Variants in PIWIL3 observed in about 807,000 individuals in gnomAD.
PIWIL3 encodes the protein piwi like RNA-mediated gene silencing 3.
A neutral mutation model predicts 109.7 loss-of-function variants in PIWIL3; 101 were observed. The observed-to-expected ratio is 0.92, with a 90% CI of 0.78 to 1.09. The LOEUF (loss-of-function observed/expected upper bound fraction) is 1.09. Ranked by LOEUF, PIWIL3 falls within the 50% of genes least tolerant of loss-of-function variation. PIWIL3 has a pLI of 0.00. For missense variants in PIWIL3, 1,031 were observed against 1,072.6 expected (o/e 0.96, Z 0.54); for synonymous variants, 373 against 376.4 (o/e 0.99, Z 0.10).
intron 12 of PIWIL3, among the ~76,000 whole-genome samples, chr22:24,740,345 G>A (rs1424303356): frequency 2.0e-5 from 3 of 151,436 alleles, no homozygotes; most frequent in African/African-American, 4.9e-5. Flanking sequence ...TCAGGAGATC[G>A]AGACCATCCT....
chr22:24,743,752 C>T (rs1425071769), intron 12 of PIWIL3, among the ~76,000 whole-genome samples: 1 of 151,928 alleles, frequency 6.6e-6, no homozygotes, highest in Non-Finnish European at 1.5e-5. Context: ...ACCAAAAGTA[C>T]AAATATCACC....
chr22:24,772,026 A>G (rs1401504937), intron 1 of PIWIL3, among the ~76,000 whole-genome samples: 1 of 152,204 alleles, frequency 6.6e-6, no homozygotes, highest in Non-Finnish European at 1.5e-5. Flanking sequence ...TATAGTGCTC[A>G]GTTGGCCAAC....
rs1923016420 is a variant in PIWIL3 at position 24,726,614 on chromosome 22, G to C, written c.2010-1099C>G. 2.0e-5 allele frequency among the ~76,000 whole-genome samples: 3 copies of C among 152,178 alleles called. No individual in the cohort carries two copies. In the South Asian group the frequency reaches 6.2e-4, roughly 31 times the overall value. On this transcript the variant is annotated intron_variant, in intron 16 of 20. Transcript: ENST00000616349. ...TGGCTATTTTCATAATTTTTTGGAA[G>C]TTTTTATTTGATTGGAAAGCAGATT...
At chr22:24,721,223 T>C (rs540955383) in intron 19 of PIWIL3, among the ~76,000 whole-genome samples, 6 of 152,364 alleles carry the variant, frequency 3.9e-5, no homozygotes, top group African/African-American at 1.4e-4. Context: ...TGGTTATTTT[T>C]AAGCATTTTA....
chr22:24,740,821 C>T (rs117279876), intron 12 of PIWIL3, among the ~76,000 whole-genome samples: 5,488 of 152,208 alleles, frequency 0.036, 175 homozygotes, highest in South Asian at 0.12. Flanking sequence ...CAGCTGAATT[C>T]TGTCAGACAC....
intron 14 of PIWIL3, among the ~76,000 whole-genome samples, chr22:24,731,851 A>G (rs2147660761): frequency 6.6e-6 from 1 of 152,126 alleles, no homozygotes; most frequent in East Asian, 1.9e-4. Flanking sequence ...TCATTATTGG[A>G]CAGTGAGAAA....
chr22:24,749,330 G>A, intron 11 of PIWIL3, 74 bp downstream of exon 11: 1 of 1,569,332 alleles, frequency 6.4e-7, no homozygotes, highest in Non-Finnish European at 8.6e-7. Context: ...TGACATGCCA[G>A]GGCTGAGATG....
chr22:24,751,578 T>A, intron 8 of PIWIL3, 80 bp from the exon 9 acceptor site: 1 of 1,552,066 alleles, frequency 6.4e-7, no homozygotes. Flanking sequence ...ACATTTTTAA[T>A]CCTGCAAGGA....
In PIWIL3 at chr22:24,762,442, G is replaced by T; in HGVS notation, c.58C>A (p.Gln20Lys). ...RGRARRRESY[Q>K]QEAPGGPRAP... ...CTGGGTCCCCCAGGTGCCTCTTGTT[G>T]GTAGCTCTCCCTGCGGCGGGCTCTG... The change falls in exon 2 of 21, where the codon CAA becomes AAA. Residue 20 changes from glutamine (Q) to lysine (K), a missense_variant. By Grantham distance (53) the Gln-to-Lys change is moderately conservative. Transcript: ENST00000616349. The T allele has an allele frequency of 1.9e-6, 3 of 1,613,998 alleles. No homozygotes were observed. The highest frequency in any genetic ancestry group is 1.1e-5 in the South Asian group (1 of 91,034).
intron 16 of PIWIL3, among the ~76,000 whole-genome samples, chr22:24,726,163 C>A (rs1922981118): frequency 6.6e-6 from 1 of 152,172 alleles, no homozygotes; most frequent in South Asian, 2.1e-4. Flanking sequence ...AATCTGTTGA[C>A]AGCTCCAAGA....
intron 18 of PIWIL3, among the ~76,000 whole-genome samples, chr22:24,724,300 A>AT (rs776900975): frequency 1.3e-5 from 2 of 151,198 alleles, no homozygotes; most frequent in African/African-American, 2.4e-5. Flanking sequence ...GCACAGTACG[A>AT]TTTTTTTTGA....
rs373195599 is a variant in PIWIL3 at position 24,755,805 on chromosome 22, T to C, written c.671A>G (p.Tyr224Cys). 6.2e-7 allele frequency: 1 copy of C among 1,614,068 alleles called. No homozygotes were observed. Among genetic ancestry groups the C allele is most frequent in the Non-Finnish European group, 8.5e-7 (1 of 1,179,996 alleles). ...ATACCTTCTAAAGAGAATGTTGTAATAGCGTAGGCAATCTGGCGACGTGGG... is the reference window on the plus strand; with the variant it reads ...ATACCTTCTAAAGAGAATGTTGTAACAGCGTAGGCAATCTGGCGACGTGGG... ...LTPTSPDCLR[Y>C]YNILFRRTFK... is the part of the protein sequence containing the mutation. The change falls in exon 6 of 21, where the codon TAT (tyrosine) becomes TGT (cysteine). Residue 224 changes from tyrosine to cysteine, a missense_variant. Tyr to Cys is a radical substitution (Grantham distance 194). Coordinates refer to ENST00000616349, the MANE Select transcript of PIWIL3 (RefSeq NM_001255975.1).
Position 24,755,885 on chromosome 22 carries a change from T to TG in PIWIL3, c.590dup (p.Thr198AsnfsTer12). ...TCTTCACGATGTTTTTGTCTTTGGT[T>TG]GTGCTCAACCATTCCACTCTCTGAG... On this transcript the variant is annotated frameshift_variant, in exon 6 of 21. Coordinates refer to ENST00000616349, the MANE Select transcript of PIWIL3 (RefSeq NM_001255975.1). LOFTEE classifies it high-confidence loss of function. 1 of 1,613,838 alleles carries TG rather than the reference T, an allele frequency of 6.2e-7. No homozygotes were observed. Among genetic ancestry groups the TG allele is most frequent in the Non-Finnish European group, 8.5e-7 (1 of 1,179,892 alleles).
At chr22:24,759,777 G>C (rs561782805) in intron 3 of PIWIL3, 92 bp downstream of exon 3, 1 of 1,567,022 alleles carries the variant, frequency 6.4e-7, no homozygotes, top group East Asian at 2.3e-5. Context: ...CCTCACGGGA[G>C]TCCTGAGGCT....
intron 1 of PIWIL3, among the ~76,000 whole-genome samples, chr22:24,770,689 G>T (rs1926086105): frequency 6.8e-6 from 1 of 146,156 alleles, no homozygotes; most frequent in African/African-American, 2.6e-5. Context: ...ACAAAAATTA[G>T]CCGGGCATGG....
chr22:24,728,225 C>T lies in PIWIL3; in HGVS notation c.1857G>A (p.Gln619=). Residue 619 remains glutamine, a synonymous_variant, in exon 15 of 21, where the codon CAG becomes CAA. Coordinates refer to ENST00000616349, the MANE Select transcript of PIWIL3 (RefSeq NM_001255975.1). ...CTCCTCCCATCTTGCAATTCATCTG[C>T]TGGGCAATCTTGGTGACGATGGTCC... is the stretch of plus-strand genomic sequence containing the variant. ...QARTIVTKIA[Q]QMNCKMGGAL... The T allele has an allele frequency of 1.2e-6, 2 of 1,614,210 alleles. No individual in the cohort carries two copies. Among genetic ancestry groups the T allele is most frequent in the Non-Finnish European group, 1.7e-6 (2 of 1,180,042 alleles).
chr22:24,750,899 G>A (rs1046899691), intron 9 of PIWIL3, among the ~76,000 whole-genome samples: 11 of 151,274 alleles, frequency 7.3e-5, no homozygotes, highest in South Asian at 4.2e-4. Flanking sequence ...CAAGGCAGGC[G>A]GATCACCTGA....
Position 24,725,429 on chromosome 22 carries a change from G to C in PIWIL3, c.2080+16C>G. On this transcript the variant is annotated intron_variant, in intron 17 of 20. Transcript: ENST00000616349. Reference sequence around the variant, plus strand: ...TTGTATAGTGTCGGGTTCCCCGACCGCTACAAGACACTGACCTTTCAAGCA... The same window carrying C: ...TTGTATAGTGTCGGGTTCCCCGACCCCTACAAGACACTGACCTTTCAAGCA... 1.2e-6 allele frequency: 2 copies of C among 1,612,764 alleles called. No homozygotes were observed. Among genetic ancestry groups the C allele is most frequent in the Non-Finnish European group, 1.7e-6 (2 of 1,179,792 alleles).
At chr22:24,771,258 C>G (rs544798521) in intron 1 of PIWIL3, among the ~76,000 whole-genome samples, 3 of 151,708 alleles carry the variant, frequency 2.0e-5, no homozygotes, top group African/African-American at 7.3e-5. Context: ...GTCAGGAGAT[C>G]GAGACCATCC....
Sources: gnomAD v4.1 joint callset for allele counts (sites outside exome capture counted in the v4.1 genomes callset) on GRCh38, gnomAD v4.1.1 for gene constraint, MANE v1.5 for transcripts, NCBI Gene and HGNC (gene_info 2026-07-23, HGNC 2026-07-21) for gene names.